The following SNX29 variants were observed in gnomAD, a reference collection of about 807,000 sequenced individuals.
The protein encoded by SNX29 is sorting nexin 29, also known as sorting nexin-29.
A neutral mutation model predicts 102.1 loss-of-function variants in SNX29; 78 were observed. The ratio of observed to expected loss-of-function variants is 0.76; its 90% confidence interval spans 0.64 to 0.92. SNX29 has a LOEUF of 0.92. Among genes scored for constraint, SNX29 ranks in the 40% least tolerant of loss-of-function variants. The pLI is 0.00. For missense variants in SNX29, 1,280 were observed against 1,061.7 expected (o/e 1.21, Z -2.86); for synonymous variants, 580 against 414.5 (o/e 1.40, Z -4.85).
intron 11 of SNX29, among the ~76,000 whole-genome samples, chr16:12,124,612 A>T (rs1448454330): frequency 6.6e-6 from 1 of 152,222 alleles, no homozygotes; most frequent in Non-Finnish European, 1.5e-5. Flanking sequence ...ACATTATTGT[A>T]CCAGAAATGT....
In SNX29 at chr16:12,338,383, A is replaced by C. The variant is rs564231681; in HGVS notation, c.1783-17780A>C. On this transcript the variant is annotated intron_variant, in intron 15 of 20. Coordinates refer to ENST00000566228, the MANE Select transcript of SNX29 (RefSeq NM_032167.5). ...AAGGAAGCTCATCGGGGATCAGACC[A>C]GCAGAGGGACTGCCTTCCTTGGCTG... Among the ~76,000 whole-genome samples the C allele has an allele frequency of 3.3e-5, 5 of 152,288 alleles. No homozygotes were observed. In the East Asian group the frequency reaches 9.7e-4, roughly 29 times the overall value.
intron 16 of SNX29, among the ~76,000 whole-genome samples, chr16:12,377,213 T>C (rs2082907326): frequency 6.6e-6 from 1 of 152,184 alleles, no homozygotes; most frequent in South Asian, 2.1e-4. Context: ...GGGTGTAGTA[T>C]ATTAGTCAAC....
intron 16 of SNX29, among the ~76,000 whole-genome samples, chr16:12,376,249 C>G (rs531264821): frequency 6.6e-6 from 1 of 152,166 alleles, no homozygotes; most frequent in Non-Finnish European, 1.5e-5. Flanking sequence ...TCCCTGGCAC[C>G]TTTACTGGCC....
intron 18 of SNX29, among the ~76,000 whole-genome samples, chr16:12,449,205 T>G (rs957427446): frequency 6.6e-6 from 1 of 151,702 alleles, no homozygotes; most frequent in South Asian, 2.1e-4. Context: ...TCTAGGGCAT[T>G]GGAGGAACAC....
chr16:12,228,446 C>T (rs2077678905), intron 14 of SNX29, among the ~76,000 whole-genome samples: 1 of 152,270 alleles, frequency 6.6e-6, no homozygotes, highest in Non-Finnish European at 1.5e-5. Flanking sequence ...TCCATGACAG[C>T]AGCAGCATCC....
At chr16:11,984,607 C>G (rs202051350) in intron 1 of SNX29, among the ~76,000 whole-genome samples, 1 of 151,762 alleles carries the variant, frequency 6.6e-6, no homozygotes, top group East Asian at 1.9e-4. Context: ...GCCTATCTTC[C>G]TCTCTCCCTC....
Position 12,568,357 on chromosome 16 carries a change from C to T in SNX29, c.2319-149C>T, listed in dbSNP as rs140347717. On this transcript the variant is annotated intron_variant, in intron 20 of 20. Transcript: ENST00000566228. The stretch of plus-strand genomic sequence containing the variant: ...TGACAATAGGGGTTTCTCATTTCTT[C>T]AGGTGGCACCAGTTAGAGGCAGATC... The T allele has an allele frequency of 4.0e-4, 412 of 1,022,126 alleles. 1 individual carries two copies. Among genetic ancestry groups the T allele is most frequent in the African/African-American group, 2.1e-3 (129 of 61,480 alleles). 63.3% of individuals were successfully genotyped at this position (1,022,126 alleles called of 1,614,324 possible).
chr16:12,378,424 C>T (rs1027905940), intron 16 of SNX29, among the ~76,000 whole-genome samples: 1 of 152,066 alleles, frequency 6.6e-6, no homozygotes, highest in African/African-American at 2.4e-5. Flanking sequence ...CTGAGGCAGG[C>T]GGATTACCTG....
intron 13 of SNX29, among the ~76,000 whole-genome samples, chr16:12,140,389 T>A (rs77405814): frequency 0.028 from 4,194 of 152,320 alleles, 104 homozygotes; most frequent in East Asian, 0.16. Flanking sequence ...TGTGTTACTT[T>A]TCCTGCCCAA....
intron 16 of SNX29, among the ~76,000 whole-genome samples, chr16:12,371,541 C>G (rs1240407645): frequency 6.6e-6 from 1 of 152,198 alleles, no homozygotes; most frequent in African/African-American, 2.4e-5. Flanking sequence ...CTTCTGGGCT[C>G]AAGCAATCCT....
At chr16:12,282,428 G>A (rs1233247182) in intron 15 of SNX29, among the ~76,000 whole-genome samples, 1 of 152,226 alleles carries the variant, frequency 6.6e-6, no homozygotes, top group Non-Finnish European at 1.5e-5. Context: ...ACTTGTAGCA[G>A]AACAGCAGAG....
At chr16:12,323,219 G>A (rs2081010356) in intron 15 of SNX29, among the ~76,000 whole-genome samples, 1 of 94,620 alleles carries the variant, frequency 1.1e-5, no homozygotes, top group South Asian at 2.7e-4. Flanking sequence ...TGGAGTCACC[G>A]GGGACCACTG....
At chr16:12,511,213 G>GC (rs1208075234) in intron 19 of SNX29, among the ~76,000 whole-genome samples, 2 of 152,108 alleles carry the variant, frequency 1.3e-5, no homozygotes, top group Non-Finnish European at 2.9e-5. Flanking sequence ...TAGCAAAGCC[G>GC]CAGGTCTCCT....
chr16:12,289,537 G>A (rs537809206), intron 15 of SNX29, among the ~76,000 whole-genome samples: 5 of 152,216 alleles, frequency 3.3e-5, no homozygotes, highest in South Asian at 2.1e-4. Flanking sequence ...GATCTTTGCT[G>A]TTTCTCCACC....
chr16:12,572,687 T>C lies in SNX29; in HGVS notation c.*4058T>C. On this transcript the variant is annotated 3_prime_UTR_variant, in exon 21 of 21. Transcript: ENST00000566228. ...TGCAGCACCCACACGGGGGAAGCCC[T>C]GCACTCCAGCAGCATCTTCCAGCCT... 2.8e-6 allele frequency: 3 copies of C among 1,063,604 alleles called. No homozygotes were observed. The highest frequency in any genetic ancestry group is 4.6e-5 in the South Asian group (1 of 21,964). 65.9% of individuals were successfully genotyped at this position (1,063,604 alleles called of 1,614,324 possible).
chr16:12,493,872 G>A (rs1003173898), intron 19 of SNX29, among the ~76,000 whole-genome samples: 1 of 152,172 alleles, frequency 6.6e-6, no homozygotes, highest in Non-Finnish European at 1.5e-5. Flanking sequence ...GGTTACAGGC[G>A]TGAGCCACCG....
intron 3 of SNX29, among the ~76,000 whole-genome samples, chr16:12,023,540 C>T (rs1478498265): frequency 1.5e-4 from 23 of 149,136 alleles, no homozygotes; most frequent in Non-Finnish European, 2.8e-4. Flanking sequence ...ATCACACCAC[C>T]GCACTCCAGC....
At chr16:12,561,503 C>A (rs75026380) in intron 20 of SNX29, among the ~76,000 whole-genome samples, 1 of 152,158 alleles carries the variant, frequency 6.6e-6, no homozygotes, top group African/African-American at 2.4e-5. Flanking sequence ...ACCCAGATCA[C>A]AGGTGAAACA....
At chr16:12,001,380 T>C (rs2056281631) in intron 2 of SNX29, among the ~76,000 whole-genome samples, 1 of 152,198 alleles carries the variant, frequency 6.6e-6, no homozygotes. Context: ...TCCTAACTGC[T>C]GGGATTACAG....
Sources: gnomAD v4.1 joint callset for allele counts (sites outside exome capture counted in the v4.1 genomes callset) on GRCh38, gnomAD v4.1.1 for gene constraint, MANE v1.5 for transcripts, NCBI Gene and HGNC (gene_info 2026-07-23, HGNC 2026-07-21) for gene names.